HS3ST5: variants seen among roughly 807,000 people sequenced by gnomAD.
The protein encoded by HS3ST5 is heparan sulfate glucosamine 3-O-sulfotransferase 5.
In HS3ST5, 10 loss-of-function variants were observed where a neutral mutation model predicts 25.4. That is an observed-to-expected ratio of 0.39 (90% CI 0.24 to 0.67). The LOEUF (loss-of-function observed/expected upper bound fraction) is 0.67. HS3ST5 is among the 30% of genes least tolerant of loss of function. HS3ST5 has a pLI of 0.44. For synonymous variants in HS3ST5, 170 were observed against 162.4 expected (o/e 1.05, Z -0.36); for missense variants, 324 against 420.7 (o/e 0.77, Z 2.01).
intron 2 of HS3ST5, among the ~76,000 whole-genome samples, chr6:114,192,423 G>A (rs1018464048): frequency 2.6e-5 from 4 of 152,150 alleles, no homozygotes; most frequent in Admixed American, 1.3e-4. Flanking sequence ...CTGTTAAGAG[G>A]CAAGAGTACA....
At chr6:114,340,765 C>T (rs1478323994) in intron 1 of HS3ST5, 1 of 152,094 alleles carries the variant, frequency 6.6e-6, no homozygotes, top group Non-Finnish European at 1.5e-5. Flanking sequence ...TATTTGTAAT[C>T]CCCTTTTATT....
At chr6:114,263,216 G>A (rs1773255249) in intron 1 of HS3ST5, among the ~76,000 whole-genome samples, 1 of 151,810 alleles carries the variant, frequency 6.6e-6, no homozygotes, top group Non-Finnish European at 1.5e-5. Flanking sequence ...ATTTTATTTT[G>A]GGACTCTGGG....
chr6:114,284,773 C>T (rs1401369846), intron 1 of HS3ST5, among the ~76,000 whole-genome samples: 3 of 151,994 alleles, frequency 2.0e-5, no homozygotes, highest in South Asian at 4.1e-4. Flanking sequence ...CACACATGCA[C>T]ACCACACACA....
At chr6:114,226,955 G>A (rs1771328332) in intron 2 of HS3ST5, among the ~76,000 whole-genome samples, 1 of 151,870 alleles carries the variant, frequency 6.6e-6, no homozygotes, top group African/African-American at 2.4e-5. Context: ...TATTGCAGAT[G>A]ATTTACACTA....
chr6:114,320,184 G>T (rs1052521054), intron 1 of HS3ST5, among the ~76,000 whole-genome samples: 3 of 152,038 alleles, frequency 2.0e-5, no homozygotes, highest in African/African-American at 7.2e-5. Flanking sequence ...ATTAGACAGG[G>T]TGTATTTATT....
intron 2 of HS3ST5, among the ~76,000 whole-genome samples, chr6:114,209,736 G>A (rs892354952): frequency 1.3e-5 from 2 of 152,134 alleles, no homozygotes; most frequent in East Asian, 1.9e-4. Context: ...AATATCTTGG[G>A]TGAATGACTG....
At chr6:114,230,267 C>T (rs1771517844) in intron 1 of HS3ST5, 1 of 150,968 alleles carries the variant, frequency 6.6e-6, no homozygotes, top group African/African-American at 2.4e-5. Flanking sequence ...AGGAGACGGT[C>T]CAGTATTATA....
intron 1 of HS3ST5, among the ~76,000 whole-genome samples, chr6:114,314,070 C>A (rs949298657): frequency 2.6e-5 from 4 of 152,152 alleles, no homozygotes; most frequent in African/African-American, 9.7e-5. Flanking sequence ...GGATTACAGG[C>A]ATGCCCCACC....
At chr6:114,186,823 A>G (rs1273676201) in intron 2 of HS3ST5, among the ~76,000 whole-genome samples, 2 of 152,206 alleles carry the variant, frequency 1.3e-5, no homozygotes, top group Non-Finnish European at 2.9e-5. Flanking sequence ...ATTAGGGGCT[A>G]ATGACTTTAT....
At chr6:114,150,750 T>C (rs561815274) in intron 3 of HS3ST5, among the ~76,000 whole-genome samples, 1 of 152,338 alleles carries the variant, frequency 6.6e-6, no homozygotes. Context: ...GCAATTATAA[T>C]AAAATCCTGA....
intron 1 of HS3ST5, among the ~76,000 whole-genome samples, chr6:114,290,821 A>C (rs1774543567): frequency 6.8e-6 from 1 of 147,576 alleles, no homozygotes; most frequent in Admixed American, 6.8e-5. Flanking sequence ...TTTTATGTAC[A>C]AGAGTTGTGT....
At position 114,057,250 on chromosome 6, in the gene HS3ST5, T is replaced by C; in HGVS notation, c.*7A>G. Reference sequence around the variant, plus strand: ...GCACAACACATAGTGTTGTATGACATATTATTTTAGGGCCAGTTCAATGTC... The same window carrying C: ...GCACAACACATAGTGTTGTATGACACATTATTTTAGGGCCAGTTCAATGTC... On this transcript the variant is annotated 3_prime_UTR_variant, in exon 5 of 5. Coordinates refer to ENST00000312719, the MANE Select transcript of HS3ST5 (RefSeq NM_153612.4). 1 of 1,592,874 alleles carries C rather than the reference T, an allele frequency of 6.3e-7. No homozygotes were observed. The highest frequency in any genetic ancestry group is 8.6e-7 in the Non-Finnish European group (1 of 1,162,618).
intron 1 of HS3ST5, among the ~76,000 whole-genome samples, chr6:114,335,797 G>T (rs1433299349): frequency 6.6e-6 from 1 of 152,122 alleles, no homozygotes; most frequent in Non-Finnish European, 1.5e-5. Flanking sequence ...TGGGATACAG[G>T]CATGCACCAC....
intron 1 of HS3ST5, among the ~76,000 whole-genome samples, chr6:114,264,407 T>C (rs1773313047): frequency 6.6e-6 from 1 of 152,316 alleles, no homozygotes; most frequent in Admixed American, 6.5e-5. Context: ...AAATGCAGAG[T>C]TATTGCCCCC....
chr6:114,144,952 G>A (rs6918716), intron 3 of HS3ST5, among the ~76,000 whole-genome samples: 146,076 of 152,276 alleles, frequency 0.96, 70,385 homozygotes, highest in East Asian at 1. Flanking sequence ...AGCCTTGGCC[G>A]GGTAGTGACA....
rs1779202834 is a variant in HS3ST5 at position 114,166,231 on chromosome 6, A to G, written c.-33+2120T>C. On this transcript the variant is annotated intron_variant, in intron 3 of 4. Transcript: ENST00000312719. ...GGACTTCGGTGTTGGGCTGGGAGGC[A>G]CAGTAAACTTAATGTATCATCAGTA... Among the ~76,000 whole-genome samples, 3 of 152,218 alleles carry G rather than the reference A, an allele frequency of 2.0e-5. No homozygotes were observed. The South Asian group carries it at 6.2e-4, about 32-fold the overall frequency.
At chr6:114,338,536 C>A (rs888294309) in intron 1 of HS3ST5, among the ~76,000 whole-genome samples, 3 of 151,848 alleles carry the variant, frequency 2.0e-5, no homozygotes, top group Non-Finnish European at 4.4e-5. Context: ...AATGGAACTT[C>A]CATATGAGAT....
intron 1 of HS3ST5, among the ~76,000 whole-genome samples, chr6:114,284,550 G>A (rs943879419): frequency 2.0e-5 from 3 of 151,968 alleles, no homozygotes; most frequent in Non-Finnish European, 4.4e-5. Context: ...CACAACCCAA[G>A]GGGAATGGAA....
At chr6:114,307,170 C>T (rs1223534787) in intron 1 of HS3ST5, among the ~76,000 whole-genome samples, 1 of 152,166 alleles carries the variant, frequency 6.6e-6, no homozygotes, top group African/African-American at 2.4e-5. Context: ...TTTGTAGGCA[C>T]TAAGAGGAAA....
Sources: gnomAD v4.1 joint callset for allele counts (sites outside exome capture counted in the v4.1 genomes callset) on GRCh38, gnomAD v4.1.1 for gene constraint, MANE v1.5 for transcripts, NCBI Gene and HGNC (gene_info 2026-07-23, HGNC 2026-07-21) for gene names.